HK1: variants seen among roughly 807,000 people sequenced by gnomAD.
HK1 encodes hexokinase-1.
HK1 carries 28 observed loss-of-function variants against 91.6 expected under a neutral mutation model. The observed-to-expected ratio is 0.31, with a 90% CI of 0.23 to 0.42. The LOEUF is 0.42. Ranked by LOEUF, HK1 falls within the 10% of genes least tolerant of loss-of-function variation. HK1 has a pLI of 1.00. For synonymous variants in HK1, 430 were observed against 468.1 expected (o/e 0.92, Z 1.05); for missense variants, 770 against 1,219.8 (o/e 0.63, Z 5.49).
chr10:69,361,812 T>C lies in HK1; in HGVS notation c.375+1767T>C, dbSNP rs527645613. Among the ~76,000 whole-genome samples, 22 of 152,252 alleles carry C rather than the reference T, an allele frequency of 1.4e-4. 1 individual carries two copies. In the South Asian group the frequency reaches 4.6e-3, roughly 32 times the overall value. On this transcript the variant is annotated intron_variant, in intron 3 of 17. Coordinates refer to ENST00000359426, the MANE Select transcript of HK1 (RefSeq NM_000188.3). Reference sequence around the variant, plus strand: ...GATAATGTAGTACCATTATAGCAAATTCTTTTTTTTCTTCTTTTTTTTAAG... The same window carrying C: ...GATAATGTAGTACCATTATAGCAAACTCTTTTTTTTCTTCTTTTTTTTAAG...
chr10:69,401,195 C>G lies in HK1; in HGVS notation c.*60C>G, dbSNP rs1257267963. ...ACTTCTCTCTTCAAGCGGCGACCCC[C>G]TACCCTCCCAGCGAGTTGCGCTGGG... On this transcript the variant is annotated 3_prime_UTR_variant, in exon 18 of 18. Coordinates refer to ENST00000359426, the MANE Select transcript of HK1 (RefSeq NM_000188.3). The G allele has an allele frequency of 6.4e-7, 1 of 1,567,994 alleles. No homozygotes were observed. The highest frequency in any genetic ancestry group is 8.6e-7 in the Non-Finnish European group (1 of 1,159,084).
At chr10:69,312,547 C>CTT (rs78282542), upstream of HK1, among the ~76,000 whole-genome samples, 5 of 147,284 alleles carry the variant, frequency 3.4e-5, no homozygotes, top group Non-Finnish European at 7.5e-5. Flanking sequence ...CCATATAGCC[C>CTT]TTTTTTTTTT....
rs1379766456 is a variant in HK1, at chr10:69,342,499, G to A, written c.64-1328G>A. Among the ~76,000 whole-genome samples the A allele has an allele frequency of 2.0e-5, 3 of 152,214 alleles. No individual in the cohort carries two copies. In the East Asian group the frequency reaches 5.8e-4, roughly 29 times the overall value. On this transcript the variant is annotated intron_variant, in intron 1 of 17. Coordinates refer to ENST00000359426, the MANE Select transcript of HK1 (RefSeq NM_000188.3). ...TTTCAGGTAGAGGTGACAGCAGAAG[G>A]AGGAGAGCCTGGAGCACCTACTAGG...
At chr10:69,343,784 CT>C in intron 1 of HK1, 42 bp from the exon 2 acceptor site, 2 of 1,540,808 alleles carry the variant, frequency 1.3e-6, no homozygotes, top group East Asian at 4.5e-5. Flanking sequence ...TTGCCCTGTC[CT>C]CCCCCTCGAC....
intron 1 of HK1, among the ~76,000 whole-genome samples, chr10:69,320,087 TC>T (rs1846921759): frequency 6.6e-6 from 1 of 152,116 alleles, no homozygotes; most frequent in South Asian, 2.1e-4. Context: ...GGGTGTTCCA[TC>T]CTCTTCCTGT....
rs145614659 is a variant in HK1 at position 69,330,053 on chromosome 10, C to T, written c.63+11043C>T. Among the ~76,000 whole-genome samples, 402 of 152,316 alleles carry T rather than the reference C, an allele frequency of 2.6e-3. 3 individuals carry two copies. The highest frequency in any genetic ancestry group is 9.4e-3 in the African/African-American group (390 of 41,558). ...GCAATGCTTAACCTGCATGAAAACC[C>T]CCTCAATGCTCCTTGCGATGCCCAC... On this transcript the variant is annotated intron_variant, in intron 1 of 17. Coordinates refer to ENST00000359426, the MANE Select transcript of HK1 (RefSeq NM_000188.3).
chr10:69,384,038 AATT>A (rs1233195215), intron 10 of HK1, among the ~76,000 whole-genome samples: 1 of 152,188 alleles, frequency 6.6e-6, no homozygotes, highest in African/African-American at 2.4e-5. Context: ...CCTTGACATA[AATT>A]ATTATTTTTT....
intron 7 of HK1, among the ~76,000 whole-genome samples, chr10:69,373,883 C>G (rs1300918580): frequency 1.3e-5 from 2 of 152,190 alleles, no homozygotes; most frequent in African/African-American, 2.4e-5. Flanking sequence ...AGCTACTGCA[C>G]CCGGCCTGCT....
At chr10:69,353,895 G>A (rs767758412) in intron 2 of HK1, among the ~76,000 whole-genome samples, 38 of 152,216 alleles carry the variant, frequency 2.5e-4, no homozygotes, top group Non-Finnish European at 4.7e-4. Context: ...CCAAGGAGGG[G>A]GTTGTAGGAA....
At position 69,384,521 on chromosome 10, in the gene HK1, C is replaced by T. The variant is rs370856547; in HGVS notation, c.1719+40C>T. 7.3e-5 allele frequency: 118 copies of T among 1,612,388 alleles called. No homozygotes were observed. The Admixed American group carries it at 7.7e-4, about 10-fold the overall frequency. On this transcript the variant is annotated intron_variant, in intron 11 of 17. Coordinates refer to ENST00000359426, the MANE Select transcript of HK1 (RefSeq NM_000188.3). The stretch of plus-strand genomic sequence containing the variant: ...CCATAGTGCATGTGCACTGCACACA[C>T]GGCCAGTGGCACCGGCAGTCACGTG...
upstream of HK1, chr10:69,318,715 G>A (rs1281567320): frequency 6.8e-6 from 5 of 738,826 alleles, no homozygotes; most frequent in Non-Finnish European, 9.8e-6. Context: ...GAGGCGCGCC[G>A]CAACCAATGG....
chr10:69,395,673 C>A (rs1813823717), intron 16 of HK1, among the ~76,000 whole-genome samples: 1 of 152,150 alleles, frequency 6.6e-6, no homozygotes, highest in Non-Finnish European at 1.5e-5. Context: ...GTAAGAGGGC[C>A]ATATGGATTC....
At chr10:69,322,129 G>A (rs1162590282) in intron 1 of HK1, among the ~76,000 whole-genome samples, 2 of 152,208 alleles carry the variant, frequency 1.3e-5, no homozygotes, top group East Asian at 3.8e-4. Context: ...TTTAGAAAGG[G>A]AAGATGGGTC....
intron 1 of HK1, among the ~76,000 whole-genome samples, chr10:69,320,514 C>G (rs1215574140): frequency 6.6e-6 from 1 of 152,112 alleles, no homozygotes; most frequent in Non-Finnish European, 1.5e-5. Context: ...CGGGTGTGTG[C>G]ATTTCATGAG....
chr10:69,301,797 T>C (rs565380084), intron 5 of HK1, among the ~76,000 whole-genome samples: 1 of 152,158 alleles, frequency 6.6e-6, no homozygotes, highest in South Asian at 2.1e-4. Context: ...CAAATTAATA[T>C]ATAGATTCAA....
At chr10:69,376,140 A>T (rs1362615861) in intron 7 of HK1, among the ~76,000 whole-genome samples, 1 of 152,148 alleles carries the variant, frequency 6.6e-6, no homozygotes, top group African/African-American at 2.4e-5. Flanking sequence ...TTTCCCTCGG[A>T]GAAGCTGTTT....
At position 69,394,940 on chromosome 10, in the gene HK1, C is replaced by G. The variant is rs1840070087; in HGVS notation, c.2220-10C>G. ...CCCATAGACACCCCAGGCCCCTCCT[C>G]CTGTCTCAGGTATGAGAAGATGATC... On this transcript the variant is annotated splice_polypyrimidine_tract_variant and intron_variant, in intron 15 of 17. Coordinates refer to ENST00000359426, the MANE Select transcript of HK1 (RefSeq NM_000188.3). The G allele has an allele frequency of 6.2e-7, 1 of 1,613,914 alleles. No individual in the cohort carries two copies. The highest frequency in any genetic ancestry group is 1.3e-5 in the African/African-American group (1 of 74,910).
intron 5 of HK1, among the ~76,000 whole-genome samples, chr10:69,303,444 G>A (rs1439212678): frequency 1.3e-5 from 2 of 151,184 alleles, no homozygotes; most frequent in Non-Finnish European, 2.9e-5. Flanking sequence ...AGAGCTGGCT[G>A]TGTGGGAGAC....
intron 3 of HK1, among the ~76,000 whole-genome samples, chr10:69,289,234 C>T (rs1456415875): frequency 1.3e-5 from 2 of 152,140 alleles, no homozygotes; most frequent in South Asian, 2.1e-4. Flanking sequence ...CCCTCAGACC[C>T]AGCCTCTAAG....
Sources: gnomAD v4.1 joint callset for allele counts (sites outside exome capture counted in the v4.1 genomes callset) on GRCh38, gnomAD v4.1.1 for gene constraint, MANE v1.5 for transcripts, NCBI Gene and HGNC (gene_info 2026-07-23, HGNC 2026-07-21) for gene names.